The following LRRC69 variants were observed in gnomAD, a reference collection of about 807,000 sequenced individuals.
LRRC69 encodes leucine rich repeat containing 69.
A neutral mutation model predicts 37.8 loss-of-function variants in LRRC69; 42 were observed. The observed-to-expected ratio is 1.11, with a 90% confidence interval of 0.87 to 1.44. LRRC69 has a LOEUF of 1.44. Among genes scored for constraint, LRRC69 ranks in the 40% most tolerant of loss-of-function variants. The probability of loss-of-function intolerance (pLI) is 0.00; values close to 1 mark genes in which losing one functional copy is unlikely to be tolerated. For missense variants in LRRC69, 357 were observed against 401.9 expected, an observed-to-expected ratio of 0.89 and a Z score of 0.96; for synonymous variants, 141 against 143.1, an observed-to-expected ratio of 0.99 and a Z score of 0.11.
intron 5 of LRRC69, among the ~76,000 whole-genome samples, chr8:91,150,426 A>G (rs147857972): frequency 0.67 from 102,315 of 151,752 alleles, 34,989 homozygotes; most frequent in Middle Eastern, 0.74. Flanking sequence ...TGCATCCCAG[A>G]GATGAAGCCC....
intron 1 of LRRC69, among the ~76,000 whole-genome samples, chr8:91,108,452 TG>T (rs1813356966): frequency 6.6e-6 from 1 of 152,056 alleles, no homozygotes; most frequent in African/African-American, 2.4e-5. Context: ...TTATTACAAT[TG>T]TGAAATATTA....
intron 5 of LRRC69, among the ~76,000 whole-genome samples, chr8:91,177,183 A>G (rs1320755645): frequency 6.6e-6 from 1 of 152,202 alleles, no homozygotes; most frequent in South Asian, 2.1e-4. Context: ...TAAATGGATC[A>G]TCTCAAAATT....
chr8:91,153,071 G>T (rs1267848825), intron 5 of LRRC69, among the ~76,000 whole-genome samples: 1 of 151,160 alleles, frequency 6.6e-6, no homozygotes, highest in South Asian at 2.1e-4. Flanking sequence ...AGCAGAGGTT[G>T]CAATTGTAGT....
intron 5 of LRRC69, among the ~76,000 whole-genome samples, chr8:91,169,242 C>G (rs11780533): frequency 0.68 from 102,942 of 151,494 alleles, 35,512 homozygotes; most frequent in African/African-American, 0.74. Flanking sequence ...ACAGACACAG[C>G]GGCCTATTTG....
intron 5 of LRRC69, among the ~76,000 whole-genome samples, chr8:91,165,105 T>A (rs1001212165): frequency 6.6e-6 from 1 of 151,694 alleles, no homozygotes; most frequent in Non-Finnish European, 1.5e-5. Flanking sequence ...GAGGAACAAT[T>A]GGCAACATCT....
chr8:91,174,851 C>T (rs897383518), intron 5 of LRRC69, among the ~76,000 whole-genome samples: 2 of 151,592 alleles, frequency 1.3e-5, no homozygotes, highest in African/African-American at 4.9e-5. Flanking sequence ...TACGGCTCTC[C>T]TATCCAGTGG....
At chr8:91,118,082 T>C in intron 1 of LRRC69, 3 of 434,002 alleles carry the variant, frequency 6.9e-6, no homozygotes, top group Non-Finnish European at 1.4e-5. Context: ...GCCTAAATAC[T>C]AAAAAATTAA....
intron 5 of LRRC69, among the ~76,000 whole-genome samples, chr8:91,159,428 C>T (rs1279840624): frequency 6.6e-6 from 1 of 151,138 alleles, no homozygotes; most frequent in African/African-American, 2.4e-5. Flanking sequence ...GCCTTAACTG[C>T]ATTCAGAGGA....
chr8:91,196,355 T>G (rs376642863), intron 6 of LRRC69, among the ~76,000 whole-genome samples: 7,494 of 151,056 alleles, frequency 0.05, 235 homozygotes, highest in African/African-American at 0.077. Flanking sequence ...GTATCTTTGT[T>G]GTGTTCTCTG....
chr8:91,163,637 G>A (rs1422212881), intron 5 of LRRC69, among the ~76,000 whole-genome samples: 1 of 151,238 alleles, frequency 6.6e-6, no homozygotes. Flanking sequence ...AAGACTTTGT[G>A]TTCTTTCTTC....
intron 5 of LRRC69, among the ~76,000 whole-genome samples, chr8:91,142,200 C>A (rs1309309159): frequency 6.6e-6 from 1 of 151,908 alleles, no homozygotes; most frequent in Non-Finnish European, 1.5e-5. Context: ...TTTTAATGAT[C>A]ATCACCAGGG....
intron 5 of LRRC69, among the ~76,000 whole-genome samples, chr8:91,162,026 G>C (rs4609162): frequency 0.03 from 4,507 of 151,372 alleles, 243 homozygotes; most frequent in African/African-American, 0.1. Flanking sequence ...TGGTGACTCA[G>C]GAGCACATTG....
chr8:91,176,134 A>ATTTTTTTTTTT (rs771986461), intron 5 of LRRC69, among the ~76,000 whole-genome samples: 4 of 75,706 alleles, frequency 5.3e-5, no homozygotes, highest in East Asian at 3.4e-4. Flanking sequence ...ATATATATAT[A>ATTTTTTTTTTT]TTTTTTTTTT....
chr8:91,209,159 G>A (rs1056932770), intron 7 of LRRC69, among the ~76,000 whole-genome samples: 3 of 152,182 alleles, frequency 2.0e-5, no homozygotes, highest in African/African-American at 4.8e-5. Flanking sequence ...AGGCGTGGTG[G>A]CTCATGCCTG....
At chr8:91,126,772 A>C (rs1292224281) in intron 2 of LRRC69, among the ~76,000 whole-genome samples, 2 of 152,042 alleles carry the variant, frequency 1.3e-5, no homozygotes, top group Non-Finnish European at 2.9e-5. Context: ...AGCTGTAATG[A>C]AGAACTAAAT....
intron 5 of LRRC69, chr8:91,138,723 A>G (rs1808469772): frequency 6.6e-6 from 1 of 151,964 alleles, no homozygotes; most frequent in African/African-American, 2.4e-5. Context: ...TTTAGTTCCT[A>G]AGAAAAAATC....
At chr8:91,206,466 A>G (rs1809807028) in intron 7 of LRRC69, among the ~76,000 whole-genome samples, 1 of 152,236 alleles carries the variant, frequency 6.6e-6, no homozygotes, top group Non-Finnish European at 1.5e-5. Context: ...ATATGTAGCT[A>G]TCTGTGAATT....
intron 5 of LRRC69, among the ~76,000 whole-genome samples, chr8:91,154,576 C>A (rs564916839): frequency 6.6e-6 from 1 of 151,934 alleles, no homozygotes; most frequent in East Asian, 1.9e-4. Context: ...TCAACATATG[C>A]AAATCAATAA....
chr8:91,150,503 A>T (rs1808713287), intron 5 of LRRC69, among the ~76,000 whole-genome samples: 1 of 151,806 alleles, frequency 6.6e-6, no homozygotes, highest in East Asian at 1.9e-4. Flanking sequence ...TTTATTGAGG[A>T]TTTTTGCGTC....
Sources: allele counts gnomAD v4.1 joint callset (sites outside exome capture counted in the v4.1 genomes callset), GRCh38; gene constraint gnomAD v4.1.1; transcripts MANE v1.5; gene names NCBI Gene and HGNC (gene_info 2026-07-23, HGNC 2026-07-21).